GARNL3: variants seen among roughly 807,000 people sequenced by gnomAD.
GARNL3 encodes GTPase-activating Rap/Ran-GAP domain-like protein 3.
A neutral mutation model predicts 125.0 loss-of-function variants in GARNL3; 63 were observed. That is an observed-to-expected ratio of 0.50 (90% CI 0.41 to 0.62). The LOEUF is 0.62. Among genes scored for constraint, GARNL3 ranks in the 20% least tolerant of loss-of-function variants. The pLI, the probability that GARNL3 is intolerant of heterozygous loss-of-function variation, is 0.00. For synonymous variants in GARNL3, 439 were observed against 457.5 expected, an observed-to-expected ratio of 0.96 and a Z score of 0.52; for missense variants, 994 against 1,244.0, an observed-to-expected ratio of 0.80 and a Z score of 3.02.
rs1167879101 is a variant in GARNL3 at position 127,378,591 on chromosome 9, A to C, written c.2162-4847A>C. Among the ~76,000 whole-genome samples the C allele has an allele frequency of 1.1e-4, 15 of 139,164 alleles. 1 individual carries two copies. Among genetic ancestry groups the C allele is most frequent in the Middle Eastern group, 6.9e-3 (2 of 288 alleles). The allele number at this position is 139,164 out of a possible 152,430, so 91.3% of individuals were successfully genotyped here. On this transcript the variant is annotated intron_variant, in intron 22 of 27. Transcript: ENST00000373387. ...AACAAGAGTGAAACTCCGTCACAAA[A>C]AAAAAAAAAAAAAACAGATAAAGGC...
intron 7 of GARNL3, among the ~76,000 whole-genome samples, chr9:127,331,135 A>G (rs556047697): frequency 1.3e-5 from 2 of 152,208 alleles, no homozygotes; most frequent in African/African-American, 4.8e-5. Flanking sequence ...TTTTGTGTTT[A>G]TTATGAAATA....
upstream of GARNL3, chr9:127,263,712 C>T: frequency 8.5e-7 from 1 of 1,172,192 alleles, no homozygotes; most frequent in Non-Finnish European, 1.1e-6. Flanking sequence ...TTTCAAACTG[C>T]ATGCATTGAT....
intron 17 of GARNL3, among the ~76,000 whole-genome samples, chr9:127,352,008 G>T (rs1283355820): frequency 1.3e-5 from 2 of 152,214 alleles, no homozygotes; most frequent in Non-Finnish European, 2.9e-5. Context: ...AATTCACTCT[G>T]TACACAGCTC....
At chr9:127,339,806 C>T in intron 13 of GARNL3, 55 bp downstream of exon 13, 1 of 1,040,400 alleles carries the variant, frequency 9.6e-7, no homozygotes, top group Non-Finnish European at 1.5e-6. Context: ...GAATACATTT[C>T]TTCAGATTCT....
At chr9:127,312,969 G>A (rs2065135680) in intron 3 of GARNL3, among the ~76,000 whole-genome samples, 1 of 152,178 alleles carries the variant, frequency 6.6e-6, no homozygotes, top group Non-Finnish European at 1.5e-5. Context: ...CCCAGAGGCA[G>A]GGCAAGCCCC....
chr9:127,276,234 C>T (rs1173087394), intron 1 of GARNL3, among the ~76,000 whole-genome samples: 7 of 152,026 alleles, frequency 4.6e-5, no homozygotes, highest in African/African-American at 1.7e-4. Flanking sequence ...GTTATCCTCC[C>T]ACCTTAGCCT....
chr9:127,318,138 A>G lies in GARNL3; in HGVS notation c.503+11A>G. 6.5e-7 allele frequency: 1 copy of G among 1,529,412 alleles called. No homozygotes were observed. 94.7% of individuals were successfully genotyped at this position (1,529,412 alleles called of 1,614,324 possible). ...GAAGTCCATCTTAAGGTGAGTTCTA[A>G]TGGGTAGAAACCCCACACATGGATT... is the stretch of plus-strand genomic sequence containing the variant. On this transcript the variant is annotated intron_variant, in intron 5 of 27. Coordinates refer to ENST00000373387, the MANE Select transcript of GARNL3 (RefSeq NM_032293.5).
intron 22 of GARNL3, 90 bp downstream of exon 22, chr9:127,365,456 AC>A: frequency 1.9e-6 from 2 of 1,037,530 alleles, no homozygotes; most frequent in East Asian, 2.4e-5. Flanking sequence ...CCTTAGATTT[AC>A]CCAGTGTATC....
At chr9:127,285,965 T>C in intron 1 of GARNL3, among the ~76,000 whole-genome samples, 1 of 152,230 alleles carries the variant, frequency 6.6e-6, no homozygotes, top group East Asian at 1.9e-4. Context: ...TATTAAAACA[T>C]CTGTGCTGTT....
chr9:127,377,445 T>C (rs1831980484), intron 22 of GARNL3, among the ~76,000 whole-genome samples: 1 of 152,118 alleles, frequency 6.6e-6, no homozygotes, highest in African/African-American at 2.4e-5. Flanking sequence ...CATGGACCAC[T>C]GTGTACCAAG....
chr9:127,314,522 C>G (rs74428639), intron 4 of GARNL3, among the ~76,000 whole-genome samples: 33,567 of 151,696 alleles, frequency 0.22, 4,823 homozygotes, highest in Admixed American at 0.36. Context: ...CTTCCTTCAC[C>G]CCTTCCTTCC....
rs1465033900 is a variant in GARNL3, at chr9:127,386,526, C to T, written c.2389-667C>T. 5.3e-5 allele frequency among the ~76,000 whole-genome samples: 8 copies of T among 152,348 alleles called. No homozygotes were observed. The East Asian group carries it at 1.3e-3, about 26-fold the overall frequency. On this transcript the variant is annotated intron_variant, in intron 24 of 27. Coordinates refer to ENST00000373387, the MANE Select transcript of GARNL3 (RefSeq NM_032293.5). Reference sequence around the variant, plus strand: ...CCCCCATGGTGCAGTATCTCTCCCCCAAGCCCCACACAGACACTGTTGGTG... The same window carrying T: ...CCCCCATGGTGCAGTATCTCTCCCCTAAGCCCCACACAGACACTGTTGGTG...
chr9:127,363,049 T>C (rs1588937282), intron 21 of GARNL3: 1 of 152,386 alleles, frequency 6.6e-6, no homozygotes, highest in East Asian at 1.9e-4. Context: ...ATCTGGATGA[T>C]GAGGGGCCAG....
At chr9:127,304,767 C>T (rs555409941) in intron 2 of GARNL3, among the ~76,000 whole-genome samples, 18 of 152,160 alleles carry the variant, frequency 1.2e-4, no homozygotes, top group African/African-American at 4.3e-4. Context: ...GAACTCCTGA[C>T]CTCAGGTGAT....
intron 2 of GARNL3, among the ~76,000 whole-genome samples, chr9:127,243,643 TG>T (rs2063241937): frequency 6.6e-6 from 1 of 152,230 alleles, no homozygotes; most frequent in Admixed American, 6.5e-5. Context: ...AGCAACCTAC[TG>T]GGGATATTAG....
At chr9:127,336,841 G>A (rs1352401643) in intron 11 of GARNL3, among the ~76,000 whole-genome samples, 1 of 152,234 alleles carries the variant, frequency 6.6e-6, no homozygotes, top group Admixed American at 6.5e-5. Flanking sequence ...ACACTCAGTT[G>A]TGGCCCTGTT....
intron 1 of GARNL3, among the ~76,000 whole-genome samples, chr9:127,276,558 G>A (rs1436549041): frequency 6.6e-6 from 1 of 152,112 alleles, no homozygotes; most frequent in Non-Finnish European, 1.5e-5. Flanking sequence ...ACAGATTTCT[G>A]TGCATGGGCG....
chr9:127,342,451 C>A, intron 14 of GARNL3, 117 bp downstream of exon 14: 1 of 686,442 alleles, frequency 1.5e-6, no homozygotes, highest in South Asian at 1.7e-5. Context: ...TTGATCCTTG[C>A]TGTCAGGACT....
rs1233590458 is a variant in GARNL3 at position 127,385,760 on chromosome 9, C to T, written c.2388+615C>T. On this transcript the variant is annotated intron_variant, in intron 24 of 27. Transcript: ENST00000373387. The surrounding 1 kb of genome is among the most constrained non-coding windows in gnomAD (Gnocchi z 4.1). ...CCCCCGCTGTGTCCCCTGTTCCCTTCCCTGGTCCTGACATCCATCACATTT... is the reference window on the plus strand; with the variant it reads ...CCCCCGCTGTGTCCCCTGTTCCCTTTCCTGGTCCTGACATCCATCACATTT... Among the ~76,000 whole-genome samples, 1 of 152,228 alleles carries T rather than the reference C, an allele frequency of 6.6e-6. No individual in the cohort carries two copies. Among genetic ancestry groups the T allele is most frequent in the African/African-American group, 2.4e-5 (1 of 41,450 alleles).
Sources: gnomAD v4.1 joint callset for allele counts (sites outside exome capture counted in the v4.1 genomes callset) on GRCh38, gnomAD v4.1.1 for gene constraint, Gnocchi (gnomAD v3.1) non-coding constraint, MANE v1.5 for transcripts, NCBI Gene and HGNC (gene_info 2026-07-23, HGNC 2026-07-21) for gene names.